LRPPRC: variants seen among roughly 807,000 people sequenced by gnomAD.
The protein encoded by LRPPRC is leucine rich pentatricopeptide repeat containing.
Under a neutral mutation model 180.3 loss-of-function variants are expected in LRPPRC, and 120 were observed. The ratio of observed to expected loss-of-function variants is 0.67; its 90% confidence interval spans 0.57 to 0.77. The LOEUF (loss-of-function observed/expected upper bound fraction) is 0.77, where lower values mean the gene tolerates loss of function less well. Among genes scored for constraint, LRPPRC ranks in the 30% least tolerant of loss-of-function variants. The pLI is 0.00. For missense variants in LRPPRC, 2,012 were observed against 1,657.2 expected (o/e 1.21, Z -3.72); for synonymous variants, 723 against 600.0 (o/e 1.21, Z -3.00).
chr2:43,889,628 T>C (rs1440925046), intron 37 of LRPPRC, 106 bp downstream of exon 37: 7 of 974,752 alleles, frequency 7.2e-6, no homozygotes, highest in Non-Finnish European at 1.2e-5. Flanking sequence ...TTCACAGAGA[T>C]CTAATCCTCA....
intron 1 of LRPPRC, among the ~76,000 whole-genome samples, chr2:43,986,664 G>C (rs970954373): frequency 1.3e-5 from 2 of 152,180 alleles, no homozygotes; most frequent in African/African-American, 4.8e-5. Context: ...TCACAGTTAA[G>C]GCTAATGATA....
chr2:43,926,235 G>A (rs1015093773), intron 25 of LRPPRC, among the ~76,000 whole-genome samples: 12 of 152,044 alleles, frequency 7.9e-5, no homozygotes, highest in African/African-American at 2.7e-4. Context: ...CCTAGAAGAC[G>A]CCGATAATTT....
chr2:43,974,849 G>C, intron 7 of LRPPRC, 91 bp from the exon 8 acceptor site: 1 of 1,319,842 alleles, frequency 7.6e-7, no homozygotes, highest in Non-Finnish European at 1.1e-6. Flanking sequence ...CAAAAAACTA[G>C]GGAAAAATAC....
At chr2:43,911,244 A>G (rs986481734) in intron 30 of LRPPRC, among the ~76,000 whole-genome samples, 45 of 151,630 alleles carry the variant, frequency 3.0e-4, no homozygotes, top group African/African-American at 1.0e-3. Context: ...TCCTAGTGCG[A>G]CTCTTGTATC....
chr2:43,994,565 T>A (rs116539818), intron 1 of LRPPRC, among the ~76,000 whole-genome samples: 1 of 150,346 alleles, frequency 6.7e-6, no homozygotes, highest in Admixed American at 6.7e-5. Context: ...TGCAGATAAT[T>A]TGAGGATAAA....
At position 43,934,295 on chromosome 2, in the gene LRPPRC, T is replaced by C. The variant is rs779621476; in HGVS notation, c.2631A>G (p.Ala877=). 2.0e-6 allele frequency: 3 copies of C among 1,519,366 alleles called. No homozygotes were observed. Among genetic ancestry groups the C allele is most frequent in the Non-Finnish European group, 2.7e-6 (3 of 1,094,926 alleles). 94.1% of individuals were successfully genotyped at this position (1,519,366 alleles called of 1,614,324 possible). A position where few individuals can be genotyped will look rare whatever the true frequency, so the allele number is the denominator to read the frequency against. The change falls in exon 25 of 38, where the codon GCA becomes GCG. Residue 877 remains alanine, a splice_region_variant and synonymous_variant. Transcript: ENST00000260665. ...CTTGTTCTTGGCTCACAAAGTCCAT[T>C]GCTAGGTAGGAGAGAAAAAAATATA... ...EKGETDLIQK[A]MDFVSQEQGE...
At chr2:43,975,364 G>A (rs1674007715) in intron 6 of LRPPRC, 147 bp from the exon 7 acceptor site, 7 of 615,882 alleles carry the variant, frequency 1.1e-5, no homozygotes, top group Non-Finnish European at 1.1e-5. Flanking sequence ...ATATTAAACT[G>A]GATATATGTT....
chr2:43,973,354 T>A (rs181964156), intron 11 of LRPPRC, among the ~76,000 whole-genome samples: 1 of 152,088 alleles, frequency 6.6e-6, no homozygotes, highest in Non-Finnish European at 1.5e-5. Flanking sequence ...AAAAACTACG[T>A]TCATTAAGTT....
chr2:43,948,555 T>C (rs1485419238), intron 16 of LRPPRC, 37 bp from the exon 17 acceptor site: 1 of 967,190 alleles, frequency 1.0e-6, no homozygotes, highest in Non-Finnish European at 1.7e-6. Flanking sequence ...TCCACTAAAA[T>C]TACCGAGACT....
chr2:43,934,684 A>G, intron 24 of LRPPRC, 70 bp downstream of exon 24: 2 of 1,416,944 alleles, frequency 1.4e-6, no homozygotes, highest in East Asian at 2.3e-5. Context: ...GTTTCTCTTA[A>G]CAATACACTA....
chr2:43,891,516 G>A (rs1222088818), intron 36 of LRPPRC, among the ~76,000 whole-genome samples: 3 of 152,016 alleles, frequency 2.0e-5, no homozygotes, highest in South Asian at 2.1e-4. Flanking sequence ...TATCTGTTAC[G>A]GTGATCTGTG....
At chr2:43,962,197 CT>C (rs1437175573) in intron 12 of LRPPRC, among the ~76,000 whole-genome samples, 1 of 152,136 alleles carries the variant, frequency 6.6e-6, no homozygotes, top group African/African-American at 2.4e-5. Context: ...AGACACTGAT[CT>C]GGGGGCTGTA....
At chr2:43,935,716 T>C (rs192070228) in intron 23 of LRPPRC, among the ~76,000 whole-genome samples, 1 of 152,318 alleles carries the variant, frequency 6.6e-6, no homozygotes, top group East Asian at 1.9e-4. Flanking sequence ...CCTGTCTTTA[T>C]TAAAAGTTTT....
At chr2:43,892,351 A>C (rs542591192) in intron 36 of LRPPRC, among the ~76,000 whole-genome samples, 24 of 152,318 alleles carry the variant, frequency 1.6e-4, no homozygotes, top group African/African-American at 5.3e-4. Flanking sequence ...TGTTGATGCC[A>C]ATGCTCACTT....
chr2:43,963,489 G>T, intron 12 of LRPPRC, 99 bp downstream of exon 12: 1 of 815,488 alleles, frequency 1.2e-6, no homozygotes. Flanking sequence ...TGACCATTTT[G>T]AGTCCTCAGT....
chr2:43,888,759 C>G, intron 37 of LRPPRC, 103 bp from the exon 38 acceptor site: 2 of 711,684 alleles, frequency 2.8e-6, no homozygotes, highest in Non-Finnish European at 5.2e-6. Context: ...CTAAGACTGC[C>G]AGGCCCATGG....
chr2:43,951,172 A>C (rs1672888413), intron 14 of LRPPRC, among the ~76,000 whole-genome samples: 2 of 152,226 alleles, frequency 1.3e-5, no homozygotes, highest in Non-Finnish European at 2.9e-5. Flanking sequence ...TGTGCCTTTA[A>C]ATATAATTCC....
intron 14 of LRPPRC, among the ~76,000 whole-genome samples, chr2:43,951,907 G>A (rs1672919996): frequency 6.6e-6 from 1 of 152,080 alleles, no homozygotes; most frequent in Admixed American, 6.6e-5. Flanking sequence ...ATAAAAAATA[G>A]TTAAGGCTGG....
Position 43,977,138 on chromosome 2 carries a change from C to A in LRPPRC, c.591+17G>T, listed in dbSNP as rs955957506. The A allele has an allele frequency of 1.9e-6, 3 of 1,611,176 alleles. No individual in the cohort carries two copies. Among genetic ancestry groups the A allele is most frequent in the African/African-American group, 1.3e-5 (1 of 74,928 alleles). On this transcript the variant is annotated intron_variant, in intron 4 of 37. Coordinates refer to ENST00000260665, the MANE Select transcript of LRPPRC (RefSeq NM_133259.4). ...AATGGTGGATGTGAAAATATATTCA[C>A]AATAGCAACTACTTACTCGATTTGG...
Sources: allele counts gnomAD v4.1 joint callset (sites outside exome capture counted in the v4.1 genomes callset), GRCh38; gene constraint gnomAD v4.1.1; transcripts MANE v1.5; gene names NCBI Gene and HGNC (gene_info 2026-07-23, HGNC 2026-07-21).